The following KIF16B variants were observed in gnomAD, a reference collection of about 807,000 sequenced individuals.
KIF16B encodes kinesin family member 16B, also known as kinesin-like protein KIF16B.
A neutral mutation model predicts 156.3 loss-of-function variants in KIF16B; 98 were observed. That is an observed-to-expected ratio of 0.63 (90% CI 0.53 to 0.74). KIF16B has a LOEUF of 0.74. Among genes scored for constraint, KIF16B ranks in the 30% least tolerant of loss-of-function variants. KIF16B has a pLI of 0.00. For synonymous variants in KIF16B, 564 were observed against 583.7 expected (o/e 0.97, Z 0.49); for missense variants, 1,421 against 1,606.5 (o/e 0.88, Z 1.97).
intron 12 of KIF16B, among the ~76,000 whole-genome samples, chr20:16,465,912 C>T (rs1051166732): frequency 3.3e-5 from 5 of 152,102 alleles, no homozygotes; most frequent in African/African-American, 4.8e-5. Context: ...TTCCATATCC[C>T]GTGTCTCAGA....
intron 14 of KIF16B, 33 bp downstream of exon 14, chr20:16,428,920 C>G (rs1248772788): frequency 6.3e-7 from 1 of 1,588,424 alleles, no homozygotes; most frequent in South Asian, 1.1e-5. Flanking sequence ...CTTAAAAAAT[C>G]ATTGGGAACA....
At chr20:16,367,462 C>T (rs773391145) in intron 22 of KIF16B, 12 of 1,612,858 alleles carry the variant, frequency 7.4e-6, no homozygotes, top group Admixed American at 5.0e-5. Context: ...GTTTCGAGAT[C>T]GAATGCGTGG....
intron 12 of KIF16B, among the ~76,000 whole-genome samples, chr20:16,478,128 G>T (rs2067870889): frequency 6.6e-6 from 1 of 152,168 alleles, no homozygotes; most frequent in African/African-American, 2.4e-5. Flanking sequence ...CAGAGGCTGA[G>T]GATATTAAAT....
At chr20:16,466,357 G>A (rs1406782958) in intron 12 of KIF16B, among the ~76,000 whole-genome samples, 5 of 152,206 alleles carry the variant, frequency 3.3e-5, no homozygotes, top group African/African-American at 1.2e-4. Context: ...ATGGAGAGAT[G>A]GACAAGTGGT....
intron 1 of KIF16B, among the ~76,000 whole-genome samples, chr20:16,530,108 C>A (rs978662523): frequency 2.6e-5 from 4 of 152,220 alleles, no homozygotes; most frequent in Non-Finnish European, 4.4e-5. Context: ...ACATTTTCCA[C>A]TAAAATAAGT....
Position 16,367,325 on chromosome 20 carries a change from G to C in KIF16B, c.3498+3261C>G, listed in dbSNP as rs776672646. 6 of 1,612,872 alleles carry C rather than the reference G, an allele frequency of 3.7e-6. No individual in the cohort carries two copies. The South Asian group carries it at 6.6e-5, about 18-fold the overall frequency. ...GGACTATTTCTGGAACCCACTGAAG[G>C]TTTGAGTTTCTGTAAGAAGACTAGT... On this transcript the variant is annotated intron_variant, in intron 22 of 25. Coordinates refer to ENST00000354981, the MANE Select transcript of KIF16B (RefSeq NM_024704.5).
chr20:16,520,375 G>T (rs1022680113), intron 3 of KIF16B, among the ~76,000 whole-genome samples: 1 of 152,120 alleles, frequency 6.6e-6, no homozygotes, highest in Non-Finnish European at 1.5e-5. Flanking sequence ...AGACTCGAGT[G>T]GGTGGTTTTA....
At chr20:16,495,759 G>A (rs766308739) in intron 11 of KIF16B, among the ~76,000 whole-genome samples, 9 of 151,972 alleles carry the variant, frequency 5.9e-5, no homozygotes, top group Non-Finnish European at 1.2e-4. Context: ...GCGTAATCAC[G>A]GCTCACCATA....
intron 23 of KIF16B, among the ~76,000 whole-genome samples, chr20:16,350,891 C>T (rs1307583140): frequency 1.5e-5 from 2 of 131,116 alleles, no homozygotes; most frequent in South Asian, 2.3e-4. Context: ...GGGGTGGGCA[C>T]TGGGGGGGGG....
At chr20:16,310,298 G>A (rs945600119) in intron 25 of KIF16B, among the ~76,000 whole-genome samples, 1 of 152,206 alleles carries the variant, frequency 6.6e-6, no homozygotes, top group Admixed American at 6.5e-5. Context: ...ACAGCTGATG[G>A]TTTAGAAGGG....
chr20:16,511,813 A>G (rs2068963642), intron 5 of KIF16B, among the ~76,000 whole-genome samples: 1 of 152,146 alleles, frequency 6.6e-6, no homozygotes, highest in African/African-American at 2.4e-5. Flanking sequence ...TGGTTTCATT[A>G]TATGTTGTTT....
chr20:16,389,217 G>A (rs1230046648), intron 17 of KIF16B, among the ~76,000 whole-genome samples: 1 of 152,164 alleles, frequency 6.6e-6, no homozygotes, highest in Non-Finnish European at 1.5e-5. Flanking sequence ...ATGGGCATGT[G>A]ACCCATGCAG....
intron 25 of KIF16B, among the ~76,000 whole-genome samples, chr20:16,277,248 C>T (rs1217466735): frequency 2.6e-5 from 4 of 152,152 alleles, no homozygotes; most frequent in African/African-American, 7.2e-5. Flanking sequence ...ACAAAACCAC[C>T]GATTGGCTTT....
intron 23 of KIF16B, among the ~76,000 whole-genome samples, chr20:16,337,775 C>A (rs562284941): frequency 1.3e-5 from 2 of 152,158 alleles, no homozygotes; most frequent in Non-Finnish European, 2.9e-5. Flanking sequence ...CGGCCCACAG[C>A]CCAACAATCC....
intron 19 of KIF16B, among the ~76,000 whole-genome samples, chr20:16,377,155 C>A (rs1262654935): frequency 6.6e-6 from 1 of 152,094 alleles, no homozygotes; most frequent in African/African-American, 2.4e-5. Flanking sequence ...AAGGTGGGGT[C>A]TCCTGGCCAG....
chr20:16,548,368 G>C (rs753762028), intron 1 of KIF16B, among the ~76,000 whole-genome samples: 22 of 152,180 alleles, frequency 1.4e-4, no homozygotes, highest in Non-Finnish European at 2.5e-4. Context: ...TCCTTTCAGA[G>C]CTGTATCTTG....
intron 23 of KIF16B, among the ~76,000 whole-genome samples, chr20:16,355,249 A>G (rs6111071): frequency 0.36 from 54,055 of 151,776 alleles, 9,984 homozygotes; most frequent in East Asian, 0.67. Flanking sequence ...CTCCCTCCCC[A>G]CTCTGTGTGT....
At chr20:16,532,787 T>C (rs2069807343) in intron 1 of KIF16B, among the ~76,000 whole-genome samples, 1 of 152,168 alleles carries the variant, frequency 6.6e-6, no homozygotes, top group Non-Finnish European at 1.5e-5. Context: ...TTAGAAGTGA[T>C]CGTGGTAATG....
intron 15 of KIF16B, among the ~76,000 whole-genome samples, chr20:16,413,388 C>G (rs1418047111): frequency 6.6e-6 from 1 of 152,024 alleles, no homozygotes; most frequent in African/African-American, 2.4e-5. Flanking sequence ...CTAGTGATTC[C>G]TAAGGAATGC....
Sources: gnomAD v4.1 joint callset for allele counts (sites outside exome capture counted in the v4.1 genomes callset) on GRCh38, gnomAD v4.1.1 for gene constraint, MANE v1.5 for transcripts, NCBI Gene and HGNC (gene_info 2026-07-23, HGNC 2026-07-21) for gene names.